PTPRK: variants seen among roughly 807,000 people sequenced by gnomAD.
PTPRK encodes the protein protein tyrosine phosphatase receptor type K.
In PTPRK, 75 loss-of-function variants were observed where a neutral mutation model predicts 178.0. The ratio of observed to expected loss-of-function variants is 0.42; its 90% confidence interval spans 0.35 to 0.51. The LOEUF is 0.51. Among genes scored for constraint, PTPRK ranks in the 20% least tolerant of loss-of-function variants. PTPRK has a pLI of 0.02. For synonymous variants in PTPRK, 637 were observed against 620.6 expected (o/e 1.03, Z -0.39); for missense variants, 1,441 against 1,797.8 (o/e 0.80, Z 3.59).
chr6:128,519,469 G>A lies in PTPRK; in HGVS notation c.100+790C>T, dbSNP rs558672541. ...CCCCAGGCCGGATCCGGGGAGCGCG[G>A]GGCCAGAGCCCCAGGCCGGATCCGG... On this transcript the variant is annotated intron_variant, in intron 1 of 29. Coordinates refer to ENST00000368226, the MANE Select transcript of PTPRK (RefSeq NM_002844.4). This position sits in a 1 kb window ranked among gnomAD's most constrained non-coding sequence, Gnocchi z 4.3. Among the ~76,000 whole-genome samples, 96 of 152,060 alleles carry A rather than the reference G, an allele frequency of 6.3e-4. No homozygotes were observed. The highest frequency in any genetic ancestry group is 2.1e-3 in the African/African-American group (89 of 41,498).
intron 8 of PTPRK, among the ~76,000 whole-genome samples, chr6:128,085,859 G>A (rs1785707185): frequency 6.6e-6 from 1 of 152,170 alleles, no homozygotes; most frequent in African/African-American, 2.4e-5. Context: ...ATGAGAGAAG[G>A]AACTATACTT....
intron 3 of PTPRK, among the ~76,000 whole-genome samples, chr6:128,316,423 T>C (rs1828001911): frequency 6.6e-6 from 1 of 152,196 alleles, no homozygotes; most frequent in Non-Finnish European, 1.5e-5. Flanking sequence ...ATGGAAATAT[T>C]TCTCAAAAGA....
At chr6:128,026,235 T>A (rs902238215) in intron 13 of PTPRK, among the ~76,000 whole-genome samples, 1 of 152,236 alleles carries the variant, frequency 6.6e-6, no homozygotes, top group Non-Finnish European at 1.5e-5. Context: ...AATTTGTTTT[T>A]ACTGCTACCA....
At chr6:128,049,622 ATTCT>A (rs1778657201) in intron 13 of PTPRK, among the ~76,000 whole-genome samples, 2 of 152,148 alleles carry the variant, frequency 1.3e-5, no homozygotes, top group South Asian at 2.1e-4. Context: ...ACTTTTAAAG[ATTCT>A]TTAAGTAAAT....
At chr6:128,478,036 C>T (rs1468187556) in intron 1 of PTPRK, among the ~76,000 whole-genome samples, 1 of 152,002 alleles carries the variant, frequency 6.6e-6, no homozygotes, top group Non-Finnish European at 1.5e-5. Context: ...ATGTGTGGAA[C>T]GTCATTTAAA....
At chr6:128,367,301 A>G (rs993951523) in intron 2 of PTPRK, among the ~76,000 whole-genome samples, 1 of 152,078 alleles carries the variant, frequency 6.6e-6, no homozygotes, top group African/African-American at 2.4e-5. Context: ...AACCCTCCCC[A>G]TTTAATTCTA....
At chr6:127,993,302 C>T (rs1418498118) in intron 18 of PTPRK, among the ~76,000 whole-genome samples, 5 of 151,386 alleles carry the variant, frequency 3.3e-5, no homozygotes, top group African/African-American at 4.8e-5. Context: ...TAGATACACA[C>T]ATATATATAG....
intron 2 of PTPRK, among the ~76,000 whole-genome samples, chr6:128,343,510 A>C (rs56815704): frequency 0.012 from 1,778 of 151,758 alleles, 37 homozygotes; most frequent in African/African-American, 0.041. Flanking sequence ...CAAAAAAAAA[A>C]AAAAAGAAAA....
intron 3 of PTPRK, among the ~76,000 whole-genome samples, chr6:128,255,626 T>C (rs897774762): frequency 4.6e-5 from 7 of 152,226 alleles, no homozygotes; most frequent in African/African-American, 1.7e-4. Context: ...CATTAAAGTA[T>C]GAACAAATTA....
intron 13 of PTPRK, among the ~76,000 whole-genome samples, chr6:128,038,958 T>C (rs1264953277): frequency 6.6e-6 from 1 of 152,206 alleles, no homozygotes. Flanking sequence ...TTTTAAAGAC[T>C]GGCACTAATT....
rs146463619 is a variant in PTPRK, at chr6:128,397,451, C to A, written c.223+115G>T. Reference sequence around the variant, plus strand: ...AAGGCTCTTAGAAGTGATCCAGTAGCACAATAATTTAGCTTATTATAACCA... The same window carrying A: ...AAGGCTCTTAGAAGTGATCCAGTAGAACAATAATTTAGCTTATTATAACCA... On this transcript the variant is annotated intron_variant, in intron 2 of 29. Transcript: ENST00000368226. The A allele has an allele frequency of 1.2e-5, 16 of 1,290,160 alleles. No individual in the cohort carries two copies. The Admixed American group carries it at 3.1e-4, about 25-fold the overall frequency. 79.9% of individuals were successfully genotyped at this position (1,290,160 alleles called of 1,614,324 possible).
At chr6:128,503,452 A>G (rs1399768009) in intron 1 of PTPRK, among the ~76,000 whole-genome samples, 1 of 152,110 alleles carries the variant, frequency 6.6e-6, no homozygotes, top group Non-Finnish European at 1.5e-5. Flanking sequence ...TCTTAATTAT[A>G]TCTTACTTAT....
intron 5 of PTPRK, among the ~76,000 whole-genome samples, chr6:128,223,721 C>G (rs1810809594): frequency 6.6e-6 from 1 of 152,148 alleles, no homozygotes; most frequent in Non-Finnish European, 1.5e-5. Context: ...TGGCTTCTCT[C>G]TCTTATGAAC....
At chr6:128,473,268 T>C (rs1017670281) in intron 1 of PTPRK, among the ~76,000 whole-genome samples, 21 of 152,074 alleles carry the variant, frequency 1.4e-4, no homozygotes, top group African/African-American at 4.8e-4. Context: ...GAGATTCAGG[T>C]AATGCATTCT....
chr6:128,354,307 G>A (rs534201647), intron 2 of PTPRK, among the ~76,000 whole-genome samples: 3 of 118,526 alleles, frequency 2.5e-5, no homozygotes, highest in Non-Finnish European at 3.2e-5. Context: ...GCACCATCTC[G>A]GCTCACTGCA....
At chr6:128,124,116 T>C (rs1438139986) in intron 7 of PTPRK, among the ~76,000 whole-genome samples, 1 of 151,596 alleles carries the variant, frequency 6.6e-6, no homozygotes, top group Non-Finnish European at 1.5e-5. Flanking sequence ...ACATCTCAGC[T>C]CACTGCAACC....
chr6:128,472,420 A>AC (rs11299646), intron 1 of PTPRK, among the ~76,000 whole-genome samples: 5,955 of 117,442 alleles, frequency 0.051, 407 homozygotes, highest in East Asian at 0.39. Flanking sequence ...AATTTTTGAC[A>AC]CCCCCCCCCC....
At chr6:128,511,862 T>G (rs1857237877) in intron 1 of PTPRK, among the ~76,000 whole-genome samples, 1 of 152,204 alleles carries the variant, frequency 6.6e-6, no homozygotes, top group Non-Finnish European at 1.5e-5. Context: ...GATCCTCATC[T>G]TAAAGGATAT....
chr6:128,318,157 C>A (rs1204158653), intron 3 of PTPRK, among the ~76,000 whole-genome samples: 3 of 152,100 alleles, frequency 2.0e-5, no homozygotes, highest in Admixed American at 6.6e-5. Context: ...GGAGGGACAT[C>A]CCCTCTTTTT....
Sources: allele counts gnomAD v4.1 joint callset (sites outside exome capture counted in the v4.1 genomes callset), GRCh38; gene constraint gnomAD v4.1.1; non-coding constraint Gnocchi (gnomAD v3.1); transcripts MANE v1.5; gene names NCBI Gene and HGNC (gene_info 2026-07-23, HGNC 2026-07-21).